Variants in UNC79 observed in about 807,000 individuals in gnomAD.
The protein encoded by UNC79 is protein unc-79 homolog.
UNC79 carries 37 observed loss-of-function variants against 283.1 expected under a neutral mutation model. That is an observed-to-expected ratio of 0.13 (90% confidence interval 0.10 to 0.17). The LOEUF (loss-of-function observed/expected upper bound fraction) is 0.17. Ranked by LOEUF, UNC79 falls within the 10% of genes least tolerant of loss-of-function variation. The pLI is 1.00. For synonymous variants in UNC79, 1,107 were observed against 1,200.2 expected (o/e 0.92, Z 1.61); for missense variants, 2,272 against 3,211.1 (o/e 0.71, Z 7.07).
intron 40 of UNC79, among the ~76,000 whole-genome samples, chr14:93,663,277 T>C (rs2071798389): frequency 6.6e-6 from 1 of 152,216 alleles, no homozygotes; most frequent in Non-Finnish European, 1.5e-5. Flanking sequence ...GGCCCACTAC[T>C]GAGAAAGTGG....
At chr14:93,485,054 G>T (rs1388469074) in intron 4 of UNC79, among the ~76,000 whole-genome samples, 1 of 152,096 alleles carries the variant, frequency 6.6e-6, no homozygotes, top group Non-Finnish European at 1.5e-5. Context: ...TCCATTTACA[G>T]TGACTCTCAG....
exon 15 of UNC79, chr14:93,571,987 A>G (rs770796019): frequency 1.2e-6 from 2 of 1,614,114 alleles, no homozygotes; most frequent in African/African-American, 2.7e-5. Flanking sequence ...TAATGTGATC[A>G]ATCAATCTGT....
chr14:93,348,947 CACTGT>C (rs1450435184), intron 1 of UNC79, among the ~76,000 whole-genome samples: 8 of 152,366 alleles, frequency 5.3e-5, no homozygotes, highest in Middle Eastern at 6.8e-3. Flanking sequence ...TCCCCTTCCG[CACTGT>C]GGAAGCTTTG....
chr14:93,486,675 A>AAAAAAAAAG (rs1566986520), intron 4 of UNC79, among the ~76,000 whole-genome samples: 2 of 148,006 alleles, frequency 1.4e-5, no homozygotes, highest in Non-Finnish European at 3.0e-5. Flanking sequence ...AAAAAAAAAA[A>AAAAAAAAAG]AAAGAAAGAA....
intron 39 of UNC79, among the ~76,000 whole-genome samples, chr14:93,660,939 T>G (rs61699714): frequency 0.041 from 6,166 of 152,114 alleles, 370 homozygotes; most frequent in African/African-American, 0.13. Context: ...TCATTAGTAC[T>G]AAGTCTGTGA....
chr14:93,421,588 C>T (rs776610035), intron 1 of UNC79, among the ~76,000 whole-genome samples: 1 of 151,158 alleles, frequency 6.6e-6, no homozygotes, highest in Non-Finnish European at 1.5e-5. Context: ...ATAATATTTC[C>T]AAATACATCC....
chr14:93,601,536 G>C (rs1002561487), intron 25 of UNC79, among the ~76,000 whole-genome samples: 3 of 152,144 alleles, frequency 2.0e-5, no homozygotes, highest in African/African-American at 7.2e-5. Flanking sequence ...CCATATTTTT[G>C]CAATTGTGAA....
chr14:93,376,499 C>T (rs2054562223), intron 1 of UNC79, among the ~76,000 whole-genome samples: 1 of 152,082 alleles, frequency 6.6e-6, no homozygotes, highest in Non-Finnish European at 1.5e-5. Flanking sequence ...TACACATATA[C>T]ACATATAGCT....
At chr14:93,640,538 G>A (rs1266766594) in intron 32 of UNC79, among the ~76,000 whole-genome samples, 1 of 152,176 alleles carries the variant, frequency 6.6e-6, no homozygotes, top group Non-Finnish European at 1.5e-5. Context: ...TGAGGTGGGA[G>A]GATTGCTTCA....
intron 7 of UNC79, among the ~76,000 whole-genome samples, chr14:93,511,572 C>T (rs1171411635): frequency 2.6e-5 from 4 of 152,042 alleles, no homozygotes; most frequent in Admixed American, 6.6e-5. Context: ...CTCAGCCTCC[C>T]GAGTAGCTGG....
At position 93,673,425 on chromosome 14, in the gene UNC79, A is replaced by G; in HGVS notation, c.6711A>G (p.Leu2237=). The change falls in exon 41 of 49, where the codon TTA becomes TTG. Residue 2237 remains leucine (L), a synonymous_variant. Coordinates refer to ENST00000555664, the Ensembl canonical transcript of UNC79. The stretch of plus-strand genomic sequence containing the variant: ...AGGCCCTAAAGCTCAAATCTCCTTT[A>G]CCAGATACAAACCTTCTTCTGCTTG... 2 of 1,613,340 alleles carry G rather than the reference A, an allele frequency of 1.2e-6. 1 individual carries two copies. The highest frequency in any genetic ancestry group is 2.2e-5 in the South Asian group (2 of 91,018).
chr14:93,563,726 G>A (rs1355993794), intron 14 of UNC79, among the ~76,000 whole-genome samples: 1 of 152,126 alleles, frequency 6.6e-6, no homozygotes, highest in Non-Finnish European at 1.5e-5. Flanking sequence ...GGGAAATGGG[G>A]TGAATGTCAG....
intron 11 of UNC79, among the ~76,000 whole-genome samples, chr14:93,536,837 A>T (rs2061111005): frequency 7.4e-6 from 1 of 134,978 alleles, no homozygotes; most frequent in South Asian, 2.3e-4. Flanking sequence ...TACCATATTA[A>T]ATTCTGAGTT....
chr14:93,641,399 G>A (rs185124411), intron 33 of UNC79, 152 bp downstream of exon 36: 23 of 738,220 alleles, frequency 3.1e-5, no homozygotes, highest in Non-Finnish European at 4.9e-5. Flanking sequence ...CTTGTTCAGT[G>A]AGTATGATAA....
intron 1 of UNC79, among the ~76,000 whole-genome samples, chr14:93,406,287 A>G (rs904688142): frequency 2.0e-5 from 3 of 152,190 alleles, no homozygotes; most frequent in Non-Finnish European, 2.9e-5. Flanking sequence ...GATTCTTTAG[A>G]AAATCTATTA....
intron 35 of UNC79, among the ~76,000 whole-genome samples, chr14:93,651,200 G>T (rs2070214298): frequency 6.6e-6 from 1 of 152,142 alleles, no homozygotes; most frequent in South Asian, 2.1e-4. Flanking sequence ...TAAGTAGTAA[G>T]TGTTAAAGTC....
Position 93,650,258 on chromosome 14 carries a change from CT to C in UNC79, c.6084-3483del, listed in dbSNP as rs539618900. ...AGTTGGGGGGTATAAAAAAATAGAT[CT>C]ATTGTGAACATTCTTATAAAAGCCC... is the stretch of plus-strand genomic sequence containing the variant. On this transcript the variant is annotated intron_variant, in intron 35 of 48. Transcript: ENST00000555664. 8.0e-3 allele frequency among the ~76,000 whole-genome samples: 1,224 copies of C among 152,132 alleles called. 9 individuals are homozygous for C. Among genetic ancestry groups the C allele is most frequent in the Middle Eastern group, 0.045 (13 of 292 alleles).
chr14:93,584,315 A>G (rs757421534), intron 20 of UNC79, among the ~76,000 whole-genome samples: 4 of 152,226 alleles, frequency 2.6e-5, no homozygotes, highest in Non-Finnish European at 5.9e-5. Context: ...GTAACGGAAC[A>G]TCGGAATCCC....
intron 47 of UNC79, among the ~76,000 whole-genome samples, chr14:93,700,142 C>T (rs2075422641): frequency 6.7e-6 from 1 of 148,608 alleles, no homozygotes; most frequent in South Asian, 2.2e-4. Context: ...TTGTTTCCAA[C>T]AAGAAATCTG....
Sources: allele counts gnomAD v4.1 joint callset (sites outside exome capture counted in the v4.1 genomes callset), GRCh38; gene constraint gnomAD v4.1.1; transcripts MANE v1.5; gene names NCBI Gene and HGNC (gene_info 2026-07-23, HGNC 2026-07-21).